TRHDE: variants seen among roughly 807,000 people sequenced by gnomAD.
TRHDE encodes the protein thyrotropin-releasing hormone-degrading ectoenzyme.
TRHDE carries 72 observed loss-of-function variants against 125.7 expected under a neutral mutation model. The observed-to-expected ratio is 0.57, with a 90% CI of 0.47 to 0.70. TRHDE has a LOEUF of 0.70. Among genes scored for constraint, TRHDE ranks in the 30% least tolerant of loss-of-function variants. The pLI is 0.00. For synonymous variants in TRHDE, 509 were observed against 509.1 expected, an observed-to-expected ratio of 1.00 and a Z score of 0.00; for missense variants, 1,110 against 1,327.1, an observed-to-expected ratio of 0.84 and a Z score of 2.54.
intron 15 of TRHDE, among the ~76,000 whole-genome samples, chr12:72,636,705 T>C (rs1244255042): frequency 3.3e-5 from 5 of 152,252 alleles, no homozygotes; most frequent in African/African-American, 1.2e-4. Flanking sequence ...TGAAAGTTTT[T>C]AGCATGAAGA....
chr12:72,612,606 T>C (rs1443624347), intron 12 of TRHDE, among the ~76,000 whole-genome samples: 1 of 152,166 alleles, frequency 6.6e-6, no homozygotes. Flanking sequence ...ATAATGGGCA[T>C]AATAGTACTG....
Position 72,314,090 on chromosome 12 carries a change from C to G in TRHDE, c.1188+27136C>G, listed in dbSNP as rs570494154. Among the ~76,000 whole-genome samples the G allele has an allele frequency of 5.9e-5, 9 of 152,192 alleles. No homozygotes were observed. In the South Asian group the frequency reaches 1.5e-3, roughly 25 times the overall value. ...CAGGGGTCTCATGTCTTTTGTCAGC[C>G]TCTGTGAGACTGTGACAGGCTAAAC... On this transcript the variant is annotated intron_variant, in intron 2 of 18. Coordinates refer to ENST00000261180, the MANE Select transcript of TRHDE (RefSeq NM_013381.3).
intron 2 of TRHDE, among the ~76,000 whole-genome samples, chr12:72,204,170 G>A (rs1467028125): frequency 6.6e-6 from 1 of 152,082 alleles, no homozygotes; most frequent in Non-Finnish European, 1.5e-5. Context: ...TGACTCACTG[G>A]TCTTCTCAGT....
At chr12:72,383,636 C>G (rs1446934591) in intron 3 of TRHDE, among the ~76,000 whole-genome samples, 2 of 151,792 alleles carry the variant, frequency 1.3e-5, no homozygotes, top group African/African-American at 4.8e-5. Context: ...CTTGGCCTCC[C>G]AAAGTGCTGG....
chr12:72,387,231 A>G (rs1184994804), intron 3 of TRHDE, among the ~76,000 whole-genome samples: 1 of 152,204 alleles, frequency 6.6e-6, no homozygotes, highest in Non-Finnish European at 1.5e-5. Context: ...TGGATATAAA[A>G]TCTTGGCCTT....
At chr12:72,499,995 T>C (rs1322187539) in intron 6 of TRHDE, among the ~76,000 whole-genome samples, 3 of 152,216 alleles carry the variant, frequency 2.0e-5, no homozygotes, top group Non-Finnish European at 4.4e-5. Context: ...CCAATGCCCT[T>C]AAATACTAAC....
At chr12:72,283,819 A>C (rs1015435830) in intron 1 of TRHDE, among the ~76,000 whole-genome samples, 13 of 152,094 alleles carry the variant, frequency 8.5e-5, no homozygotes, top group African/African-American at 2.9e-4. Flanking sequence ...TCTAATTACA[A>C]CCTCTCTGTT....
intron 1 of TRHDE, among the ~76,000 whole-genome samples, chr12:72,091,417 T>C (rs1874788001): frequency 6.6e-6 from 1 of 152,212 alleles, no homozygotes; most frequent in Admixed American, 6.6e-5. Flanking sequence ...TTTAAAAATT[T>C]TAAAATCTGA....
chr12:72,157,110 AT>A (rs1419038325), intron 2 of TRHDE, among the ~76,000 whole-genome samples: 2 of 150,510 alleles, frequency 1.3e-5, no homozygotes, highest in Non-Finnish European at 3.0e-5. Flanking sequence ...AACTACACTG[AT>A]TTTTTCTTTT....
chr12:72,307,969 T>C (rs747463630), intron 2 of TRHDE, among the ~76,000 whole-genome samples: 1 of 152,224 alleles, frequency 6.6e-6, no homozygotes, highest in Non-Finnish European at 1.5e-5. Flanking sequence ...GGTAGGATTT[T>C]TTTTTGTCAT....
chr12:72,420,762 G>A (rs1044293156), intron 3 of TRHDE, among the ~76,000 whole-genome samples: 1 of 152,096 alleles, frequency 6.6e-6, no homozygotes. Context: ...TTCATGTTTA[G>A]GGCATCAAAT....
chr12:72,476,497 G>A (rs183845709), intron 5 of TRHDE, among the ~76,000 whole-genome samples: 43 of 152,304 alleles, frequency 2.8e-4, no homozygotes, highest in Middle Eastern at 3.4e-3. Context: ...AGTAATGGCT[G>A]TGTCAGCAGT....
At chr12:72,368,994 C>T (rs1871456456) in intron 2 of TRHDE, among the ~76,000 whole-genome samples, 1 of 152,130 alleles carries the variant, frequency 6.6e-6, no homozygotes, top group Non-Finnish European at 1.5e-5. Context: ...AGCAGCCACC[C>T]ACAGTGTCAG....
chr12:72,530,536 C>T (rs1470602696), intron 6 of TRHDE, among the ~76,000 whole-genome samples: 1 of 134,334 alleles, frequency 7.4e-6, no homozygotes, highest in Non-Finnish European at 1.6e-5. Flanking sequence ...AGGACCTATT[C>T]TTCAGGTTTT....
intron 3 of TRHDE, among the ~76,000 whole-genome samples, chr12:72,428,201 A>C (rs1435696609): frequency 6.6e-6 from 1 of 152,134 alleles, no homozygotes; most frequent in Non-Finnish European, 1.5e-5. Context: ...TACTAGGGAC[A>C]TATTTCTATG....
At chr12:72,328,496 A>G (rs1159281869) in intron 2 of TRHDE, among the ~76,000 whole-genome samples, 2 of 146,988 alleles carry the variant, frequency 1.4e-5, no homozygotes, top group Non-Finnish European at 2.9e-5. Flanking sequence ...GATTTAATTC[A>G]TCATGATCTG....
chr12:72,141,023 A>G (rs1026029725), intron 2 of TRHDE, among the ~76,000 whole-genome samples: 2 of 152,160 alleles, frequency 1.3e-5, no homozygotes, highest in Non-Finnish European at 2.9e-5. Flanking sequence ...TAGGATGCCA[A>G]GTTAAATTCA....
chr12:72,146,625 G>A (rs1876233055), intron 2 of TRHDE, among the ~76,000 whole-genome samples: 1 of 152,202 alleles, frequency 6.6e-6, no homozygotes, highest in South Asian at 2.1e-4. Context: ...ACGCAGACGG[G>A]CAGGTGCAGA....
chr12:72,512,646 T>A (rs1878658057), intron 6 of TRHDE, among the ~76,000 whole-genome samples: 1 of 143,586 alleles, frequency 7.0e-6, no homozygotes, highest in African/African-American at 2.5e-5. Flanking sequence ...TCATATATAA[T>A]CATATATAAT....
Sources: gnomAD v4.1 joint callset for allele counts (sites outside exome capture counted in the v4.1 genomes callset) on GRCh38, gnomAD v4.1.1 for gene constraint, MANE v1.5 for transcripts, NCBI Gene and HGNC (gene_info 2026-07-23, HGNC 2026-07-21) for gene names.